The following RBM28 variants were observed in gnomAD, a reference collection of about 807,000 sequenced individuals.
RBM28 encodes the protein RNA binding motif protein 28.
RBM28 carries 78 observed loss-of-function variants against 98.3 expected under a neutral mutation model. That is an observed-to-expected ratio of 0.79 (90% CI 0.66 to 0.96). RBM28 has a LOEUF of 0.96. Ranked by LOEUF, RBM28 falls within the 40% of genes least tolerant of loss-of-function variation. The probability of loss-of-function intolerance (pLI) is 0.00; values close to 1 mark genes in which losing one functional copy is unlikely to be tolerated. For missense variants in RBM28, 838 were observed against 913.0 expected, an observed-to-expected ratio of 0.92 and a Z score of 1.06; for synonymous variants, 306 against 330.9, an observed-to-expected ratio of 0.92 and a Z score of 0.82.
chr7:128,298,278 T>A lies in RBM28; in HGVS notation c.*12519A>T, dbSNP rs1405135407. ...ATGTGATCTTTGTACCTACTCCCTG[T>A]TTTACACCCCCTCCCCTTTTGAAAC... On this transcript the variant is annotated 3_prime_UTR_variant, in exon 19 of 19. Coordinates refer to ENST00000223073, the MANE Select transcript of RBM28 (RefSeq NM_018077.3). 2 of 152,178 alleles carry A rather than the reference T, an allele frequency of 1.3e-5. No individual in the cohort carries two copies. The highest frequency in any genetic ancestry group is 4.8e-5 in the African/African-American group (2 of 41,428). The allele number at this position is 152,178 out of a possible 1,614,324, so 9.4% of individuals were successfully genotyped here.
At chr7:128,338,684 G>A (rs1424249577) in intron 4 of RBM28, 42 bp downstream of exon 4, 3 of 1,361,706 alleles carry the variant, frequency 2.2e-6, no homozygotes, top group Non-Finnish European at 2.1e-6. Context: ...AGGGTAATAT[G>A]TTAACTAACG....
intron 9 of RBM28, 111 bp from the exon 10 acceptor site, chr7:128,331,039 G>T: frequency 2.6e-6 from 2 of 770,894 alleles, no homozygotes; most frequent in Non-Finnish European, 4.6e-6. Context: ...TTCAGAAATA[G>T]CACTAATACA....
Position 128,339,216 on chromosome 7 carries a change from C to G in RBM28, c.372+11G>C. On this transcript the variant is annotated intron_variant, in intron 3 of 18. Transcript: ENST00000223073. ...TCAAAACATGCAATGTTCATTTTCT[C>G]TCTCACTTACCTTAAAGCTCAGGTT... is the stretch of plus-strand genomic sequence containing the variant. The G allele has an allele frequency of 3.8e-6, 6 of 1,593,366 alleles. No homozygotes were observed. The highest frequency in any genetic ancestry group is 5.2e-6 in the Non-Finnish European group (6 of 1,161,156).
intron 17 of RBM28, among the ~76,000 whole-genome samples, chr7:128,313,758 T>C (rs1796041060): frequency 6.6e-6 from 1 of 152,156 alleles, no homozygotes; most frequent in Non-Finnish European, 1.5e-5. Flanking sequence ...CGCCATCCCC[T>C]CAGTGCTGTT....
At chr7:128,323,990 A>G (rs553193540) in intron 12 of RBM28, among the ~76,000 whole-genome samples, 4 of 152,186 alleles carry the variant, frequency 2.6e-5, no homozygotes, top group Non-Finnish European at 5.9e-5. Flanking sequence ...CTTGAGGTCC[A>G]TTACTAAACA....
chr7:128,317,962 G>C lies in RBM28; in HGVS notation c.1708C>G (p.Leu570Val), dbSNP rs2116331834. 1 of 1,614,188 alleles carries C rather than the reference G, an allele frequency of 6.2e-7. No individual in the cohort carries two copies. The highest frequency in any genetic ancestry group is 2.2e-5 in the East Asian group (1 of 44,876). ...INNNPEIFGP[L>V]KRPIVEFSLE... Reference sequence around the variant, plus strand: ...CCCCAGAGGACAAGGCCTACCTTCAGAGGCCCAAAGATTTCTGGATTGTTG... The same window carrying C: ...CCCCAGAGGACAAGGCCTACCTTCACAGGCCCAAAGATTTCTGGATTGTTG... Residue 570 changes from leucine (L) to valine (V), a missense_variant, in exon 15 of 19, where the codon CTG becomes GTG. Transcript: ENST00000223073.
intron 1 of RBM28, chr7:128,341,147 G>A: frequency 1.6e-6 from 2 of 1,288,826 alleles, no homozygotes. Context: ...CATATGCTCT[G>A]CTTCTCTTTC....
rs1795905474 is a variant in RBM28, at chr7:128,308,348, T to A, written c.*2449A>T. The A allele has an allele frequency of 6.6e-6, 1 of 152,228 alleles. No individual in the cohort carries two copies. The highest frequency in any genetic ancestry group is 2.1e-4 in the South Asian group (1 of 4,838). The allele number at this position is 152,228 out of a possible 1,614,324, so 9.4% of individuals were successfully genotyped here. A position where few individuals can be genotyped will look rare whatever the true frequency, so the allele number is the denominator to read the frequency against. ...CTAAGTGTTAAGATATATTTTTGAA[T>A]GTTAAAGATATTCGTGTACTAGGGA... is the stretch of plus-strand genomic sequence containing the variant. On this transcript the variant is annotated 3_prime_UTR_variant, in exon 19 of 19. Coordinates refer to ENST00000223073, the MANE Select transcript of RBM28 (RefSeq NM_018077.3).
intron 17 of RBM28, among the ~76,000 whole-genome samples, chr7:128,314,057 G>A (rs2116323445): frequency 6.6e-6 from 1 of 152,236 alleles, no homozygotes; most frequent in Non-Finnish European, 1.5e-5. Flanking sequence ...CCGCCTCCCG[G>A]GTTCACGCCA....
At chr7:128,333,436 TA>T in intron 8 of RBM28, 74 bp from the exon 9 acceptor site, 1 of 1,250,170 alleles carries the variant, frequency 8.0e-7, no homozygotes, top group South Asian at 1.2e-5. Flanking sequence ...ACTTCTTAAG[TA>T]CATAAAGATA....
Position 128,310,685 on chromosome 7 carries a change from G to C in RBM28, c.*112C>G. The C allele has an allele frequency of 7.0e-7, 1 of 1,426,794 alleles. No individual in the cohort carries two copies. Among genetic ancestry groups the C allele is most frequent in the Non-Finnish European group, 9.8e-7 (1 of 1,020,896 alleles). 88.4% of individuals were successfully genotyped at this position (1,426,794 alleles called of 1,614,324 possible). A position where few individuals can be genotyped will look rare whatever the true frequency, so the allele number is the denominator to read the frequency against. ...CAGGGCACCTCCGAGCACAGTGGCA[G>C]TGCCCTTGGGGATTTTCTTTCCCTC... On this transcript the variant is annotated 3_prime_UTR_variant, in exon 19 of 19. Coordinates refer to ENST00000223073, the MANE Select transcript of RBM28 (RefSeq NM_018077.3).
rs1795890211 is a variant in RBM28 at position 128,307,555 on chromosome 7, G to C, written c.*3242C>G. 6.6e-6 allele frequency: 1 copy of C among 152,170 alleles called. No homozygotes were observed. The highest frequency in any genetic ancestry group is 2.4e-5 in the African/African-American group (1 of 41,406). The allele number at this position is 152,170 out of a possible 1,614,324, so 9.4% of individuals were successfully genotyped here. On this transcript the variant is annotated 3_prime_UTR_variant, in exon 19 of 19. Coordinates refer to ENST00000223073, the MANE Select transcript of RBM28 (RefSeq NM_018077.3). Reference sequence around the variant, plus strand: ...AGAGGAAGGCACAGATCTCATTTTTGTGACAGGTGAAACATAATCCTTGCC... The same window carrying C: ...AGAGGAAGGCACAGATCTCATTTTTCTGACAGGTGAAACATAATCCTTGCC...
chr7:128,329,423 TA>T lies in RBM28; in HGVS notation c.1129+1395del, dbSNP rs143009691. 7.0e-3 allele frequency among the ~76,000 whole-genome samples: 1,066 copies of T among 152,126 alleles called. 9 individuals are homozygous for T. The highest frequency in any genetic ancestry group is 0.024 in the African/African-American group (1,003 of 41,530). ...CAGGTCTTACTTTTTTTTAGCTGAG[TA>T]AAAATCAAAAGTGATTAGGTTCTAT... On this transcript the variant is annotated intron_variant, in intron 10 of 18. Coordinates refer to ENST00000223073, the MANE Select transcript of RBM28 (RefSeq NM_018077.3).
intron 1 of RBM28, among the ~76,000 whole-genome samples, chr7:128,343,306 T>TA (rs1796768442): frequency 6.6e-6 from 1 of 152,214 alleles, no homozygotes; most frequent in Non-Finnish European, 1.5e-5. Flanking sequence ...TTCCTGTCTG[T>TA]AAAATGACAT....
intron 2 of RBM28, 92 bp from the exon 3 acceptor site, chr7:128,339,413 G>T: frequency 8.2e-7 from 1 of 1,223,622 alleles, no homozygotes; most frequent in East Asian, 2.3e-5. Context: ...GCGACAGATG[G>T]CATTTACCAC....
chr7:128,330,750 C>T (rs1796462470), intron 10 of RBM28, 69 bp downstream of exon 10: 7 of 1,099,400 alleles, frequency 6.4e-6, no homozygotes, highest in South Asian at 2.5e-5. Context: ...ATTATGCTCT[C>T]GTAACCTAGT....
In RBM28 at chr7:128,307,717, T is replaced by C. The variant is rs1267137941; in HGVS notation, c.*3080A>G. ...TAAGATTCCTTATTTAAAGGTTGTA[T>C]CTCTAAGCCAGGCTATTATATAATC... On this transcript the variant is annotated 3_prime_UTR_variant, in exon 19 of 19. Transcript: ENST00000223073. The C allele has an allele frequency of 6.6e-6, 1 of 152,202 alleles. No homozygotes were observed. The highest frequency in any genetic ancestry group is 6.5e-5 in the Admixed American group (1 of 15,280). 9.4% of individuals were successfully genotyped at this position (152,202 alleles called of 1,614,324 possible).
At chr7:128,324,444 A>C in intron 12 of RBM28, 115 bp downstream of exon 12, 2 of 1,436,334 alleles carry the variant, frequency 1.4e-6, no homozygotes, top group Non-Finnish European at 2.0e-6. Flanking sequence ...AACACTGTTA[A>C]AGAGAACATT....
intron 10 of RBM28, 43 bp from the exon 11 acceptor site, chr7:128,325,934 A>C: frequency 6.7e-7 from 1 of 1,482,044 alleles, no homozygotes; most frequent in East Asian, 2.3e-5. Context: ...AAACTCCCAC[A>C]GATAAACCAA....
Sources: gnomAD v4.1 joint callset for allele counts (sites outside exome capture counted in the v4.1 genomes callset) on GRCh38, gnomAD v4.1.1 for gene constraint, MANE v1.5 for transcripts, NCBI Gene and HGNC (gene_info 2026-07-23, HGNC 2026-07-21) for gene names.